The following MYH3 variants were observed in gnomAD, a reference collection of about 807,000 sequenced individuals.
The protein encoded by MYH3 is myosin heavy chain 3.
MYH3 carries 130 observed loss-of-function variants against 238.0 expected under a neutral mutation model. The ratio of observed to expected loss-of-function variants is 0.55; its 90% CI spans 0.47 to 0.63. The LOEUF is 0.63. Ranked by LOEUF, MYH3 falls within the 30% of genes least tolerant of loss-of-function variation. MYH3 has a pLI of 0.00. For missense variants in MYH3, 1,853 were observed against 2,374.9 expected, an observed-to-expected ratio of 0.78 and a Z score of 4.57; for synonymous variants, 880 against 924.1, an observed-to-expected ratio of 0.95 and a Z score of 0.86.
chr17:10,639,874 TGAA>T, intron 22 of MYH3, 72 bp from the exon 23 acceptor site: 1 of 1,598,074 alleles, frequency 6.3e-7, no homozygotes, highest in Non-Finnish European at 8.5e-7. Context: ...TCACTATATA[TGAA>T]GTTCTTTATG....
the MYH3 span, among the ~76,000 whole-genome samples, chr17:10,670,133 TC>T: frequency 3.9e-5 from 6 of 152,246 alleles, no homozygotes; most frequent in African/African-American, 1.4e-4. The surrounding 1 kb of genome is among the most constrained non-coding windows in gnomAD (Gnocchi z 7.0). Context: ...CAACAACATT[TC>T]CTTCATAGGC....
rs1210336304 is a variant in MYH3, at chr17:10,641,200, C to A, written c.2050G>T (p.Ala684Ser). The change falls in exon 19 of 41, where the codon GCT becomes TCT. Residue 684 changes from alanine to serine, a missense_variant and splice_region_variant. Ala to Ser is a moderately conservative substitution (Grantham distance 99). Around this residue, in one of 3 missense-constraint regions of MYH3, gnomAD observed 678 missense variants for 1,058.9 expected, o/e 0.64. Transcript: ENST00000583535. ...IIPNETKTPG[A>S]MEHSLVLHQL... is the part of the protein sequence containing the mutation. ...TGCAGAACAAGGCTGTGTTCCATAG[C>A]CCCTGGGAACAGAAGCGAGATATCA... is the stretch of plus-strand genomic sequence containing the variant. 1 of 1,613,658 alleles carries A rather than the reference C, an allele frequency of 6.2e-7. No homozygotes were observed. The highest frequency in any genetic ancestry group is 1.1e-5 in the South Asian group (1 of 91,072).
the MYH3 span, among the ~76,000 whole-genome samples, chr17:10,668,302 G>A: frequency 1.3e-5 from 2 of 152,218 alleles, no homozygotes; most frequent in African/African-American, 4.8e-5. Context: ...GGCTGAGGCA[G>A]GAGAATCGCT....
At chr17:10,638,561 A>C in intron 26 of MYH3, 129 bp from the exon 27 acceptor site, 1 of 1,292,474 alleles carries the variant, frequency 7.7e-7, no homozygotes, top group Non-Finnish European at 1.1e-6. Context: ...GAATACTGCA[A>C]ATTTCCTTTC....
the MYH3 span, chr17:10,673,407 CAG>C: frequency 6.6e-6 from 1 of 152,330 alleles, no homozygotes; most frequent in East Asian, 1.9e-4. Context: ...ACGTTCCCGA[CAG>C]GGCTTTCTGA....
At chr17:10,674,363 T>G in the MYH3 span, 5 of 192,436 alleles carry the variant, frequency 2.6e-5, no homozygotes, top group South Asian at 1.6e-4. Flanking sequence ...GAGGTGGAGG[T>G]TGCAGTGAGC....
Position 10,642,212 on chromosome 17 carries a change from T to C in MYH3, c.1959+28A>G, listed in dbSNP as rs747206057. Reference sequence around the variant, plus strand: ...ATTTAGATGTCACTTAAATCAATTATAAGCAAATAAACTTGTATTTTTCTT... The same window carrying C: ...ATTTAGATGTCACTTAAATCAATTACAAGCAAATAAACTTGTATTTTTCTT... On this transcript the variant is annotated intron_variant, in intron 17 of 40. Transcript: ENST00000583535. This position sits in a 1 kb window ranked among gnomAD's most constrained non-coding sequence, Gnocchi z 5.4. The C allele has an allele frequency of 1.3e-6, 2 of 1,595,508 alleles. No individual in the cohort carries two copies. The highest frequency in any genetic ancestry group is 1.7e-6 in the Non-Finnish European group (2 of 1,164,188).
chr17:10,651,587 G>C lies in MYH3; in HGVS notation c.430C>G (p.Arg144Gly), dbSNP rs562708339. The C allele has an allele frequency of 2.5e-6, 4 of 1,613,872 alleles. No homozygotes were observed. Among genetic ancestry groups the C allele is most frequent in the East Asian group, 2.2e-5 (1 of 44,882 alleles). The change falls in exon 5 of 41, where the codon CGA becomes GGA. Residue 144 changes from arginine to glycine, a missense_variant. Physicochemically the swap from Arg to Gly is moderately radical, Grantham distance 125. Transcript: ENST00000583535. ...VYNPEVVEGY[R>G]GKKRQEAPPH... ...GGGGCCTCCTGGCGCTTTTTGCCTC[G>C]GTAGCCTTCCACCACCTCGGGGTTG...
chr17:10,677,603 T>C, the MYH3 span: 1 of 152,206 alleles, frequency 6.6e-6, no homozygotes, highest in Admixed American at 6.5e-5. Context: ...AACTCGCATA[T>C]TTTACTGGTA....
At chr17:10,662,371 G>A in the MYH3 span, among the ~76,000 whole-genome samples, 8 of 152,148 alleles carry the variant, frequency 5.3e-5, 1 homozygote, top group Admixed American at 3.3e-4. Flanking sequence ...AGTACAAAGC[G>A]TAATAAATGA....
At chr17:10,638,774 C>A in intron 26 of MYH3, 99 bp downstream of exon 26, 1 of 1,250,980 alleles carries the variant, frequency 8.0e-7, no homozygotes, top group Non-Finnish European at 1.2e-6. Context: ...CAGGTGGCCC[C>A]ACAGTCTTGC....
intron 26 of MYH3, among the ~76,000 whole-genome samples, 184 bp downstream of exon 26, chr17:10,638,689 A>G (rs994783742): frequency 4.6e-5 from 7 of 152,216 alleles, no homozygotes; most frequent in East Asian, 3.8e-4. Flanking sequence ...ATTATGGATT[A>G]AAGTATTTAA....
chr17:10,648,804 T>C (rs1231526333), intron 7 of MYH3, among the ~76,000 whole-genome samples, 155 bp from the exon 8 acceptor site: 2 of 152,084 alleles, frequency 1.3e-5, no homozygotes, highest in African/African-American at 4.8e-5. Context: ...GCCTCCCGAG[T>C]ACCTGGGACT....
chr17:10,666,832 C>A, the MYH3 span, among the ~76,000 whole-genome samples: 1 of 152,100 alleles, frequency 6.6e-6, no homozygotes, highest in Admixed American at 6.6e-5. Context: ...AAAGGGCCAA[C>A]TTCCTTAATG....
At chr17:10,636,956 G>A (rs2074221663) in intron 28 of MYH3, among the ~76,000 whole-genome samples, 1 of 151,704 alleles carries the variant, frequency 6.6e-6, no homozygotes, top group Non-Finnish European at 1.5e-5. Flanking sequence ...TTTCTTCATT[G>A]TCTTGGCTGT....
the MYH3 span, among the ~76,000 whole-genome samples, chr17:10,669,087 T>C: frequency 1.3e-5 from 2 of 152,206 alleles, no homozygotes; most frequent in Non-Finnish European, 2.9e-5. Flanking sequence ...TGGGGAATGT[T>C]TGCCCAGGGC....
At chr17:10,632,081 ATC>A (rs2074166805) in intron 34 of MYH3, 65 bp from the exon 35 acceptor site, 2 of 1,551,388 alleles carry the variant, frequency 1.3e-6, no homozygotes, top group South Asian at 2.3e-5. Flanking sequence ...CCTCATCTGC[ATC>A]TCTGAGTTTT....
chr17:10,653,742 T>A (rs2074400824), intron 3 of MYH3, among the ~76,000 whole-genome samples: 1 of 152,218 alleles, frequency 6.6e-6, no homozygotes, highest in Non-Finnish European at 1.5e-5. Context: ...ATGGGAAACC[T>A]GCCTTTTCCC....
At chr17:10,677,821 A>C in the MYH3 span, 2 of 152,228 alleles carry the variant, frequency 1.3e-5, no homozygotes. Flanking sequence ...TATTTCACTG[A>C]AACACAGCCT....
Sources: allele counts gnomAD v4.1 joint callset (sites outside exome capture counted in the v4.1 genomes callset), GRCh38; gene constraint gnomAD v4.1.1; regional missense constraint gnomAD v4.1.1; non-coding constraint Gnocchi (gnomAD v3.1); transcripts MANE v1.5; gene names NCBI Gene and HGNC (gene_info 2026-07-23, HGNC 2026-07-21).